DNAH17: variants seen among roughly 807,000 people sequenced by gnomAD.
DNAH17 encodes dynein axonemal heavy chain 17, also known as axonemal beta dynein heavy chain 17.
DNAH17 carries 376 observed loss-of-function variants against 485.6 expected under a neutral mutation model. The observed-to-expected ratio is 0.77, with a 90% CI of 0.71 to 0.84. DNAH17 has a LOEUF of 0.84. Among genes scored for constraint, DNAH17 ranks in the 40% least tolerant of loss-of-function variants. The probability of loss-of-function intolerance (pLI) is 0.00; values close to 1 mark genes in which losing one functional copy is unlikely to be tolerated. For synonymous variants in DNAH17, 3,031 were observed against 2,405.9 expected, an observed-to-expected ratio of 1.26 and a Z score of -7.60; for missense variants, 6,370 against 5,839.3, an observed-to-expected ratio of 1.09 and a Z score of -2.96.
intron 55 of DNAH17, 129 bp from the exon 56 acceptor site, chr17:78,466,945 GCA>G: frequency 1.1e-6 from 1 of 950,992 alleles, no homozygotes; most frequent in South Asian, 2.0e-5. Context: ...GGCCTGGGCA[GCA>G]CAGTCCTGGT....
intron 75 of DNAH17, 64 bp downstream of exon 75, chr17:78,433,965 G>A: frequency 7.4e-7 from 1 of 1,346,236 alleles, no homozygotes; most frequent in Non-Finnish European, 1.0e-6. Flanking sequence ...GGGAGGGAAG[G>A]AGGGAGGGAA....
chr17:78,501,389 G>C (rs1243060035), intron 34 of DNAH17, 45 bp from the exon 35 acceptor site: 2 of 1,551,506 alleles, frequency 1.3e-6, no homozygotes, highest in Non-Finnish European at 1.7e-6. Context: ...GAATACAAGA[G>C]CTAGGGCTGC....
intron 80 of DNAH17, 185 bp from the exon 81 acceptor site, chr17:78,424,338 T>G (rs2086302872): frequency 3.0e-6 from 2 of 656,666 alleles, no homozygotes; most frequent in African/African-American, 1.8e-5. Context: ...ATGTTGTAAC[T>G]ACCCCGTCCC....
intron 44 of DNAH17, among the ~76,000 whole-genome samples, chr17:78,487,401 G>GC (rs2146654990): frequency 6.6e-6 from 1 of 152,326 alleles, no homozygotes; most frequent in South Asian, 2.1e-4. Context: ...CTAGTGCCTG[G>GC]CCCCCTCGAG....
intron 56 of DNAH17, among the ~76,000 whole-genome samples, chr17:78,464,848 C>T (rs2146547600): frequency 6.6e-6 from 1 of 152,344 alleles, no homozygotes; most frequent in South Asian, 2.1e-4. Context: ...ACAAAAAAAC[C>T]CAACAGCCCA....
chr17:78,426,447 C>A lies in DNAH17; in HGVS notation c.12915+10G>T. On this transcript the variant is annotated intron_variant, in intron 79 of 80. Coordinates refer to ENST00000389840, the MANE Select transcript of DNAH17 (RefSeq NM_173628.4). ...GTCTTAGGAAGCCTCTCAGAGAAAA[C>A]GGCACTTACCCTGATGCGGAGCAGC... 2.5e-6 allele frequency: 4 copies of A among 1,583,464 alleles called. No individual in the cohort carries two copies. Among genetic ancestry groups the A allele is most frequent in the Middle Eastern group, 3.4e-4 (2 of 5,904 alleles).
chr17:78,531,547 C>T (rs2091238852), intron 20 of DNAH17, among the ~76,000 whole-genome samples: 1 of 151,974 alleles, frequency 6.6e-6, no homozygotes, highest in Admixed American at 6.6e-5. Context: ...ACCGTGTTAG[C>T]CAGGATGGTC....
chr17:78,468,948 A>G (rs2088617506), intron 54 of DNAH17, 65 bp from the exon 55 acceptor site: 1 of 1,546,852 alleles, frequency 6.5e-7, no homozygotes, highest in Non-Finnish European at 8.7e-7. Context: ...GACATCCTCC[A>G]CAACCAACCA....
intron 20 of DNAH17, among the ~76,000 whole-genome samples, chr17:78,531,800 C>T (rs1260897358): frequency 6.6e-6 from 1 of 152,220 alleles, no homozygotes; most frequent in Non-Finnish European, 1.5e-5. Flanking sequence ...TTCATCCATT[C>T]AGACAATCTA....
intron 7 of DNAH17, 56 bp downstream of exon 7, chr17:78,570,191 G>A (rs1485253221): frequency 3.3e-6 from 5 of 1,521,592 alleles, no homozygotes; most frequent in Non-Finnish European, 4.4e-6. Flanking sequence ...AGTGAACCGG[G>A]GAGGGGACCC....
At chr17:78,548,640 C>A (rs1270679736) in intron 16 of DNAH17, among the ~76,000 whole-genome samples, 1 of 152,224 alleles carries the variant, frequency 6.6e-6, no homozygotes, top group South Asian at 2.1e-4. Context: ...TCCTTTTGGT[C>A]CTAACCCCTT....
chr17:78,425,117 G>A (rs2086379546), intron 80 of DNAH17: 1 of 476,154 alleles, frequency 2.1e-6, no homozygotes, highest in African/African-American at 2.0e-5. Flanking sequence ...CCAGGTGACT[G>A]GGGTGTTTTT....
Position 78,506,745 on chromosome 17 carries a change from A to G in DNAH17, c.4778T>C (p.Leu1593Pro), listed in dbSNP as rs1422771365. 6.2e-7 allele frequency: 1 copy of G among 1,613,860 alleles called. No individual in the cohort carries two copies. Among genetic ancestry groups the G allele is most frequent in the Non-Finnish European group, 8.5e-7 (1 of 1,179,884 alleles). The change falls in exon 30 of 81, where the codon CTC becomes CCC. Residue 1593 changes from leucine to proline, a missense_variant. Transcript: ENST00000389840. Reference sequence around the variant, plus strand: ...CTCCACGGGGTCATTGCCATTGGAGAGAATGTCCAGGAGGTCAGCCGAGGA... The same window carrying G: ...CTCCACGGGGTCATTGCCATTGGAGGGAATGTCCAGGAGGTCAGCCGAGGA... ...FVSSADLLDI[L>P]SNGNDPVEVS... is the part of the protein sequence containing the mutation.
At chr17:78,538,095 G>A (rs896532205) in intron 18 of DNAH17, among the ~76,000 whole-genome samples, 4 of 142,064 alleles carry the variant, frequency 2.8e-5, no homozygotes, top group Non-Finnish European at 6.0e-5. Context: ...AGCTGAGATT[G>A]TGCCATTGCA....
chr17:78,569,911 A>C (rs1409686725), intron 7 of DNAH17, among the ~76,000 whole-genome samples: 2 of 151,858 alleles, frequency 1.3e-5, no homozygotes, highest in Non-Finnish European at 2.9e-5. Context: ...GGAAGAAGGA[A>C]AAGAAGTCTC....
At chr17:78,507,990 G>A (rs746076969) in intron 27 of DNAH17, among the ~76,000 whole-genome samples, 185 bp from the exon 28 acceptor site, 6 of 152,146 alleles carry the variant, frequency 3.9e-5, no homozygotes, top group Non-Finnish European at 7.4e-5. Flanking sequence ...ATGGATGCAT[G>A]CGATCTCTGT....
intron 56 of DNAH17, among the ~76,000 whole-genome samples, chr17:78,466,235 T>G (rs1414109017): frequency 6.6e-6 from 1 of 152,152 alleles, no homozygotes; most frequent in Non-Finnish European, 1.5e-5. Flanking sequence ...GAAGGCAGCA[T>G]GCTCGTTAAG....
chr17:78,558,955 A>G (rs1005533073), intron 13 of DNAH17, among the ~76,000 whole-genome samples: 9 of 152,176 alleles, frequency 5.9e-5, no homozygotes, highest in African/African-American at 2.2e-4. Context: ...CTGGGCACAC[A>G]GTGTCCTCCT....
chr17:78,427,620 G>C (rs2086521873), intron 77 of DNAH17, among the ~76,000 whole-genome samples: 1 of 152,208 alleles, frequency 6.6e-6, no homozygotes. Context: ...CAAGAATTCA[G>C]TCTTTACCGG....
Sources: gnomAD v4.1 joint callset for allele counts (sites outside exome capture counted in the v4.1 genomes callset) on GRCh38, gnomAD v4.1.1 for gene constraint, MANE v1.5 for transcripts, NCBI Gene and HGNC (gene_info 2026-07-23, HGNC 2026-07-21) for gene names.